The following JMY variants were observed in gnomAD, a reference collection of about 807,000 sequenced individuals.
JMY encodes the protein junction mediating and regulatory protein, p53 cofactor, also known as junction-mediating and -regulatory protein.
In JMY, 46 loss-of-function variants were observed where a neutral mutation model predicts 103.3. That is an observed-to-expected ratio of 0.45 (90% CI 0.35 to 0.57). The LOEUF (loss-of-function observed/expected upper bound fraction) is 0.57. JMY is among the 20% of genes least tolerant of loss of function. JMY has a pLI of 0.00. For synonymous variants in JMY, 526 were observed against 489.3 expected (o/e 1.07, Z -0.99); for missense variants, 1,238 against 1,255.2 (o/e 0.99, Z 0.21).
At chr5:79,291,428 GA>G (rs1561307023) in intron 4 of JMY, 129 bp downstream of exon 4, 5 of 692,382 alleles carry the variant, frequency 7.2e-6, no homozygotes, top group Non-Finnish European at 1.1e-5. Context: ...AAAACACTTA[GA>G]ATAGGTCCTG....
At chr5:79,301,080 ACT>A (rs755983193) in intron 6 of JMY, among the ~76,000 whole-genome samples, 30 of 152,088 alleles carry the variant, frequency 2.0e-4, no homozygotes, top group Non-Finnish European at 3.4e-4. Context: ...ACTAATGGTG[ACT>A]CTGCTAAAGG....
chr5:79,278,576 C>A (rs1746014354), intron 2 of JMY, among the ~76,000 whole-genome samples: 1 of 110,768 alleles, frequency 9.0e-6, no homozygotes, highest in African/African-American at 3.6e-5. Flanking sequence ...CACGGAGAAC[C>A]CGTCTCTACA....
chr5:79,294,907 G>A (rs1376861670), intron 4 of JMY, among the ~76,000 whole-genome samples: 1 of 151,482 alleles, frequency 6.6e-6, no homozygotes, highest in Admixed American at 6.6e-5. Context: ...CCTGGCAGAG[G>A]ATTTTAACAA....
intron 2 of JMY, among the ~76,000 whole-genome samples, chr5:79,281,451 C>T (rs537059599): frequency 8.1e-5 from 12 of 147,786 alleles, no homozygotes; most frequent in Middle Eastern, 3.5e-3. Context: ...TCAGGATCAT[C>T]GAGATGTCAC....
At chr5:79,284,361 A>G (rs1746207222) in intron 2 of JMY, 11 of 1,278,542 alleles carry the variant, frequency 8.6e-6, no homozygotes, top group South Asian at 7.1e-5. Context: ...TCTGGAATCA[A>G]TTTATTGACC....
At chr5:79,279,103 G>A (rs1343326873) in intron 2 of JMY, among the ~76,000 whole-genome samples, 1 of 152,190 alleles carries the variant, frequency 6.6e-6, no homozygotes, top group East Asian at 1.9e-4. Flanking sequence ...GGAGGCTGAG[G>A]CAGGTGGATC....
At chr5:79,283,986 A>G (rs1746195347) in intron 2 of JMY, 1 of 535,876 alleles carries the variant, frequency 1.9e-6, no homozygotes. Context: ...TATTCTTTGT[A>G]TTTGTAGCTA....
At chr5:79,249,101 G>T (rs1202851938) in intron 1 of JMY, among the ~76,000 whole-genome samples, 2 of 150,400 alleles carry the variant, frequency 1.3e-5, no homozygotes, top group South Asian at 2.1e-4. Flanking sequence ...AATTTTGGTA[G>T]TGGGGTTGCT....
rs149920682 is a variant in JMY, at chr5:79,274,615, A to T, written c.1033-3295A>T. ...TAGAAACTGTTTCACCATGTTGCCA[A>T]GGCTGGTCTCGAACTCCTGACCTCA... is the stretch of plus-strand genomic sequence containing the variant. On this transcript the variant is annotated intron_variant, in intron 1 of 10. Coordinates refer to ENST00000396137, the MANE Select transcript of JMY (RefSeq NM_152405.5). Among the ~76,000 whole-genome samples, 488 of 152,186 alleles carry T rather than the reference A, an allele frequency of 3.2e-3. 1 individual carries two copies. Among genetic ancestry groups the T allele is most frequent in the Non-Finnish European group, 5.4e-3 (364 of 68,010 alleles).
intron 1 of JMY, among the ~76,000 whole-genome samples, chr5:79,272,112 T>TA (rs758443549): frequency 0.037 from 5,066 of 135,826 alleles, 99 homozygotes; most frequent in Non-Finnish European, 0.045. Context: ...ATTCTGTCTT[T>TA]AAAAAAAAAA....
intron 4 of JMY, among the ~76,000 whole-genome samples, chr5:79,297,018 T>C (rs1314628300): frequency 6.6e-6 from 1 of 152,204 alleles, no homozygotes; most frequent in Non-Finnish European, 1.5e-5. Context: ...CTTACTAGAT[T>C]TGCTGTAAAA....
In JMY at chr5:79,321,584, GTAT is replaced by G. The variant is rs982031836; in HGVS notation, c.*4-17_*4-15del. On this transcript the variant is annotated intron_variant, in intron 10 of 10. Transcript: ENST00000396137. ...TAAAGGGTCTTTTTTTTAATGGTCT[GTAT>G]TATTTTGTTTGTAAACAGGTGACAT... The G allele has an allele frequency of 3.3e-5, 5 of 151,868 alleles. No homozygotes were observed. The highest frequency in any genetic ancestry group is 1.2e-4 in the African/African-American group (5 of 41,406). 9.4% of individuals were successfully genotyped at this position (151,868 alleles called of 1,614,324 possible). A position where few individuals can be genotyped will look rare whatever the true frequency, so the allele number is the denominator to read the frequency against.
chr5:79,238,014 C>T (rs1744578953), intron 1 of JMY, among the ~76,000 whole-genome samples: 1 of 152,290 alleles, frequency 6.6e-6, no homozygotes, highest in South Asian at 2.1e-4. Context: ...TTTTCTACCC[C>T]TAAAGCTCTT....
chr5:79,300,299 C>T lies in JMY; in HGVS notation c.1674C>T (p.Ser558=), dbSNP rs775995988. Reference sequence around the variant, plus strand: ...TACTATTGACAGCGCAACTAGAAAGCATCAAAAGACTTATATCAGGTATGG... The same window carrying T: ...TACTATTGACAGCGCAACTAGAAAGTATCAAAAGACTTATATCAGGTATGG... ...EELLLTAQLE[S]IKRLISEKRD... Residue 558 remains serine, a synonymous_variant, in exon 5 of 11, where the codon AGC becomes AGT. Coordinates refer to ENST00000396137, the MANE Select transcript of JMY (RefSeq NM_152405.5). The T allele has an allele frequency of 3.8e-6, 6 of 1,572,638 alleles. No individual in the cohort carries two copies. The highest frequency in any genetic ancestry group is 5.2e-6 in the Non-Finnish European group (6 of 1,162,614).
intron 1 of JMY, among the ~76,000 whole-genome samples, chr5:79,244,850 TAG>T (rs1370809166): frequency 7.6e-5 from 11 of 144,408 alleles, no homozygotes; most frequent in African/African-American, 2.8e-4. Context: ...TTTTTTTTGG[TAG>T]AGATAGTGAA....
intron 2 of JMY, among the ~76,000 whole-genome samples, chr5:79,282,120 T>C (rs1230984828): frequency 6.6e-6 from 1 of 151,924 alleles, no homozygotes; most frequent in Non-Finnish European, 1.5e-5. Context: ...GGTGGGAGAA[T>C]GACATGAACC....
chr5:79,303,330 T>G (rs1746792616), intron 6 of JMY, among the ~76,000 whole-genome samples: 1 of 152,088 alleles, frequency 6.6e-6, no homozygotes, highest in South Asian at 2.1e-4. Flanking sequence ...CCCAAAGTGC[T>G]GGGATTGCAG....
rs1004547661 is a variant in JMY at position 79,284,560 on chromosome 5, A to T, written c.1207-5561A>T. The T allele has an allele frequency of 1.5e-5, 23 of 1,537,906 alleles. No homozygotes were observed. In the Admixed American group the frequency reaches 3.7e-4, roughly 25 times the overall value. On this transcript the variant is annotated intron_variant, in intron 2 of 10. Transcript: ENST00000396137. ...TAGTCCTGACGTCAACGTGAGCTTC[A>T]ATCATTGTCTGCCATTTTTTGACCA...
chr5:79,319,917 A>G (rs1747393853), intron 10 of JMY, among the ~76,000 whole-genome samples: 1 of 152,074 alleles, frequency 6.6e-6, no homozygotes, highest in Admixed American at 6.6e-5. Context: ...TAATGTACTT[A>G]TATACTTTTA....
Sources: gnomAD v4.1 joint callset for allele counts (sites outside exome capture counted in the v4.1 genomes callset) on GRCh38, gnomAD v4.1.1 for gene constraint, MANE v1.5 for transcripts, NCBI Gene and HGNC (gene_info 2026-07-23, HGNC 2026-07-21) for gene names.